FBXL17: variants seen among roughly 807,000 people sequenced by gnomAD.
The protein encoded by FBXL17 is F-box/LRR-repeat protein 17.
Under a neutral mutation model 66.2 loss-of-function variants are expected in FBXL17, and 22 were observed. The observed-to-expected ratio is 0.33, with a 90% confidence interval of 0.24 to 0.47. The LOEUF is 0.47. Among genes scored for constraint, FBXL17 ranks in the 20% least tolerant of loss-of-function variants. FBXL17 has a pLI of 1.00. For synonymous variants in FBXL17, 474 were observed against 400.5 expected (o/e 1.18, Z -2.19); for missense variants, 878 against 948.2 (o/e 0.93, Z 0.97).
intron 6 of FBXL17, among the ~76,000 whole-genome samples, chr5:108,138,616 T>C (rs1751235217): frequency 6.6e-6 from 1 of 152,198 alleles, no homozygotes; most frequent in Non-Finnish European, 1.5e-5. Context: ...AGTTTAATTT[T>C]TCCCCTCACT....
At chr5:108,276,943 T>C (rs1757506315) in intron 4 of FBXL17, among the ~76,000 whole-genome samples, 1 of 152,122 alleles carries the variant, frequency 6.6e-6, no homozygotes, top group South Asian at 2.1e-4. Flanking sequence ...TAGAGGACTT[T>C]TTTTTTTCAT....
rs1451813333 is a variant in FBXL17, at chr5:108,140,832, C to CA, written c.1745+45284_1745+45285insT. Among the ~76,000 whole-genome samples, 3 of 145,774 alleles carry CA rather than the reference C, an allele frequency of 2.1e-5. No homozygotes were observed. The East Asian group carries it at 6.0e-4, about 29-fold the overall frequency. ...ACACAAACAAGAAACTTCAGCCATT[C>CA]TTTTTTTTTTTTACTCCCCACATCA... On this transcript the variant is annotated intron_variant, in intron 6 of 8. Coordinates refer to ENST00000542267, the MANE Select transcript of FBXL17 (RefSeq NM_001163315.3).
intron 7 of FBXL17, among the ~76,000 whole-genome samples, chr5:107,993,856 C>T (rs1753362459): frequency 6.6e-6 from 1 of 152,146 alleles, no homozygotes; most frequent in African/African-American, 2.4e-5. Flanking sequence ...GATAATGCCA[C>T]AGCTAACCAA....
At chr5:108,096,417 G>C (rs896305022) in intron 6 of FBXL17, among the ~76,000 whole-genome samples, 1 of 152,162 alleles carries the variant, frequency 6.6e-6, no homozygotes, top group African/African-American at 2.4e-5. Context: ...TTTGGTGGCA[G>C]TTCAAAATCA....
At chr5:108,263,330 C>A (rs899259830) in intron 4 of FBXL17, among the ~76,000 whole-genome samples, 5 of 151,950 alleles carry the variant, frequency 3.3e-5, no homozygotes, top group African/African-American at 1.2e-4. Context: ...AAGAAAAAAA[C>A]TATCATTATT....
At position 108,140,832 on chromosome 5, in the gene FBXL17, C is replaced by CT. The variant is rs879707124; in HGVS notation, c.1745+45284dup. Among the ~76,000 whole-genome samples, 566 of 145,716 alleles carry CT rather than the reference C, an allele frequency of 3.9e-3. 6 individuals are homozygous for CT. Among genetic ancestry groups the CT allele is most frequent in the South Asian group, 0.012 (54 of 4,550 alleles). On this transcript the variant is annotated intron_variant, in intron 6 of 8. Coordinates refer to ENST00000542267, the MANE Select transcript of FBXL17 (RefSeq NM_001163315.3). ...ACACAAACAAGAAACTTCAGCCATTCTTTTTTTTTTTTACTCCCCACATCA... is the reference window on the plus strand; with the variant it reads ...ACACAAACAAGAAACTTCAGCCATTCTTTTTTTTTTTTTACTCCCCACATCA...
chr5:107,863,666 A>G (rs1033538968), intron 8 of FBXL17, among the ~76,000 whole-genome samples: 1 of 152,230 alleles, frequency 6.6e-6, no homozygotes, highest in Non-Finnish European at 1.5e-5. Flanking sequence ...AACTATCATG[A>G]GCCAGGAATA....
rs993502459 is a variant in FBXL17 at position 108,278,681 on chromosome 5, G to A, written c.1507-54453C>T. 6.6e-5 allele frequency among the ~76,000 whole-genome samples: 10 copies of A among 152,242 alleles called. No individual in the cohort carries two copies. The South Asian group carries it at 2.1e-3, about 31-fold the overall frequency. On this transcript the variant is annotated intron_variant, in intron 4 of 8. Transcript: ENST00000542267. ...AATGGAATGAGCCCCACCAGAACTGGGGTATAAGTGGGACTCAAGGCCTTG... is the reference window on the plus strand; with the variant it reads ...AATGGAATGAGCCCCACCAGAACTGAGGTATAAGTGGGACTCAAGGCCTTG...
At chr5:108,027,726 A>C (rs1459626842) in intron 6 of FBXL17, among the ~76,000 whole-genome samples, 1 of 152,126 alleles carries the variant, frequency 6.6e-6, no homozygotes, top group African/African-American at 2.4e-5. Flanking sequence ...AACTATCAAA[A>C]ATCAACTGAA....
chr5:108,350,665 AAC>A (rs1276220157), intron 3 of FBXL17, among the ~76,000 whole-genome samples: 2 of 152,214 alleles, frequency 1.3e-5, no homozygotes, highest in Non-Finnish European at 2.9e-5. Flanking sequence ...AAAAGAAAGC[AAC>A]AGTCCAATGC....
chr5:107,864,706 T>C (rs887471437), intron 8 of FBXL17, among the ~76,000 whole-genome samples: 1 of 152,170 alleles, frequency 6.6e-6, no homozygotes, highest in African/African-American at 2.4e-5. Flanking sequence ...CCATGTGACA[T>C]GCTTGCTCCC....
intron 4 of FBXL17, among the ~76,000 whole-genome samples, chr5:108,246,597 T>C (rs1756107683): frequency 6.6e-6 from 1 of 152,198 alleles, no homozygotes; most frequent in African/African-American, 2.4e-5. Context: ...TTTGAATCAA[T>C]CATTTCACAA....
intron 6 of FBXL17, among the ~76,000 whole-genome samples, chr5:108,070,295 T>C (rs1386871564): frequency 1.3e-5 from 2 of 152,224 alleles, no homozygotes. Flanking sequence ...AGTGTGGTAG[T>C]CTTTAAAAAC....
At position 108,020,654 on chromosome 5, in the gene FBXL17, T is replaced by C. The variant is rs145432186; in HGVS notation, c.1822+271A>G. 4.9e-3 allele frequency: 1,225 copies of C among 250,984 alleles called. 12 individuals are homozygous for C. The highest frequency in any genetic ancestry group is 0.026 in the African/African-American group (1,179 of 45,144). The allele number at this position is 250,984 out of a possible 1,614,324, so 15.5% of individuals were successfully genotyped here. On this transcript the variant is annotated intron_variant, in intron 7 of 8. Coordinates refer to ENST00000542267, the MANE Select transcript of FBXL17 (RefSeq NM_001163315.3). ...TTTCATTGTATACCTCTTTTAGCTA[T>C]ACTTTTTAATTTTGTGTGAGTGTGT...
intron 4 of FBXL17, among the ~76,000 whole-genome samples, chr5:108,332,328 T>C (rs942565632): frequency 2.0e-5 from 3 of 152,168 alleles, no homozygotes; most frequent in Admixed American, 6.5e-5. Flanking sequence ...CGATTGTAAC[T>C]AGTAAAATTC....
Position 107,859,390 on chromosome 5 carries a change from G to GTTTTTTTTTTTTTT in FBXL17, c.*2316_*2329dup, listed in dbSNP as rs549840338. 1.7e-5 allele frequency: 1 copy of GTTTTTTTTTTTTTT among 60,182 alleles called. No homozygotes were observed. The highest frequency in any genetic ancestry group is 6.9e-5 in the African/African-American group (1 of 14,486). 3.7% of individuals were successfully genotyped at this position (60,182 alleles called of 1,614,324 possible). ...CTCAAGGTGATGCTTTTTTCTGGCT[G>GTTTTTTTTTTTTTT]TTTTTTTTTTTTTTTTTTTTTTTTT... On this transcript the variant is annotated 3_prime_UTR_variant, in exon 9 of 9. Transcript: ENST00000542267.
chr5:107,954,359 A>G (rs569421513), intron 7 of FBXL17, among the ~76,000 whole-genome samples: 2 of 152,364 alleles, frequency 1.3e-5, no homozygotes, highest in African/African-American at 4.8e-5. Flanking sequence ...AATAATTTAA[A>G]ATAGCAATGA....
intron 4 of FBXL17, chr5:108,298,746 CCAT>C (rs1213330142): frequency 1.3e-6 from 1 of 761,370 alleles, no homozygotes. Context: ...ATTTTTAAAT[CCAT>C]GTTTGTTTAT....
At chr5:108,088,380 CCTTT>C (rs1311822765) in intron 6 of FBXL17, among the ~76,000 whole-genome samples, 1 of 152,080 alleles carries the variant, frequency 6.6e-6, no homozygotes, top group Admixed American at 6.6e-5. Flanking sequence ...CACTTCTCTT[CCTTT>C]GACTTCTACC....
Sources: allele counts gnomAD v4.1 joint callset (sites outside exome capture counted in the v4.1 genomes callset), GRCh38; gene constraint gnomAD v4.1.1; transcripts MANE v1.5; gene names NCBI Gene and HGNC (gene_info 2026-07-23, HGNC 2026-07-21).